KAZN: variants seen among roughly 807,000 people sequenced by gnomAD.
KAZN encodes kazrin, periplakin interacting protein, also known as kazrin.
KAZN carries 40 observed loss-of-function variants against 87.4 expected under a neutral mutation model. That is an observed-to-expected ratio of 0.46 (90% CI 0.36 to 0.60). KAZN has a LOEUF of 0.60. Ranked by LOEUF, KAZN falls within the 20% of genes least tolerant of loss-of-function variation. The pLI, the probability that KAZN is intolerant of heterozygous loss-of-function variation, is 0.00. For missense variants in KAZN, 898 were observed against 1,073.9 expected, an observed-to-expected ratio of 0.84 and a Z score of 2.29; for synonymous variants, 466 against 458.3, an observed-to-expected ratio of 1.02 and a Z score of -0.22.
intron 2 of KAZN, among the ~76,000 whole-genome samples, chr1:14,968,633 G>T (rs922752237): frequency 6.6e-6 from 1 of 152,218 alleles, no homozygotes; most frequent in Non-Finnish European, 1.5e-5. Context: ...CAGCCAGCAC[G>T]GGGCGGGTGG....
intron 2 of KAZN, among the ~76,000 whole-genome samples, chr1:14,301,087 A>T (rs148196968): frequency 6.6e-6 from 1 of 152,300 alleles, no homozygotes; most frequent in East Asian, 1.9e-4. Flanking sequence ...ATTCCACAGA[A>T]ATGTCTTGTA....
intron 1 of KAZN, among the ~76,000 whole-genome samples, chr1:14,746,925 A>G (rs948024336): frequency 1.6e-4 from 24 of 152,178 alleles, no homozygotes; most frequent in Non-Finnish European, 1.6e-4. Context: ...AGTATTGTAC[A>G]ACCATTACCA....
At chr1:14,534,406 A>C (rs148276858) in intron 2 of KAZN, among the ~76,000 whole-genome samples, 5 of 152,300 alleles carry the variant, frequency 3.3e-5, no homozygotes, top group African/African-American at 1.2e-4. Context: ...GCACTTTGGG[A>C]GGCCGAGGCA....
intron 2 of KAZN, among the ~76,000 whole-genome samples, chr1:15,001,523 A>AGCAGC (rs1668472094): frequency 1.3e-5 from 2 of 151,266 alleles, no homozygotes; most frequent in Admixed American, 6.6e-5. Flanking sequence ...TAGTTTCCTC[A>AGCAGC]TCCTTAAAAG....
chr1:14,154,953 T>TCTTC (rs77458563), intron 1 of KAZN, among the ~76,000 whole-genome samples: 18,692 of 134,756 alleles, frequency 0.14, 1,584 homozygotes, highest in South Asian at 0.26. Context: ...TTGTAGTTTT[T>TCTTC]CTTCCTTCCT....
At chr1:14,076,986 T>A (rs1295760984) in intron 1 of KAZN, among the ~76,000 whole-genome samples, 1 of 152,130 alleles carries the variant, frequency 6.6e-6, no homozygotes, top group Non-Finnish European at 1.5e-5. Flanking sequence ...GTGTGATTGA[T>A]TCATACACGT....
intron 2 of KAZN, among the ~76,000 whole-genome samples, chr1:14,334,264 C>A (rs1657061676): frequency 1.4e-5 from 2 of 143,368 alleles, no homozygotes; most frequent in Non-Finnish European, 3.0e-5. Flanking sequence ...ACTTGGGAGG[C>A]TGAGGCAGGA....
chr1:14,364,916 T>A (rs12406761), intron 2 of KAZN, among the ~76,000 whole-genome samples: 6,241 of 152,226 alleles, frequency 0.041, 339 homozygotes, highest in East Asian at 0.19. Flanking sequence ...TTGTTTTGTT[T>A]GTTTGTTTTA....
At chr1:14,557,955 C>T (rs1000625539) in intron 2 of KAZN, among the ~76,000 whole-genome samples, 1 of 152,138 alleles carries the variant, frequency 6.6e-6, no homozygotes, top group Non-Finnish European at 1.5e-5. Context: ...ATTTAGAAGA[C>T]CCCAAACACC....
chr1:14,447,520 T>C (rs12134939), intron 2 of KAZN, among the ~76,000 whole-genome samples: 1 of 152,120 alleles, frequency 6.6e-6, no homozygotes, highest in South Asian at 2.1e-4. Flanking sequence ...ATTACAGGCA[T>C]GAGCCACCGC....
At position 14,937,449 on chromosome 1, in the gene KAZN, A is replaced by G. The variant is rs537717810; in HGVS notation, c.227-23235A>G. Reference sequence around the variant, plus strand: ...AGTTGCCACCTCTTAGGTTCTGTCCACAGTCTCCTGGCCGTAATAATCACG... The same window carrying G: ...AGTTGCCACCTCTTAGGTTCTGTCCGCAGTCTCCTGGCCGTAATAATCACG... On this transcript the variant is annotated intron_variant, in intron 1 of 14. Transcript: ENST00000376030. Among the ~76,000 whole-genome samples the G allele has an allele frequency of 2.0e-3, 310 of 152,228 alleles. 1 individual carries two copies. Among genetic ancestry groups the G allele is most frequent in the African/African-American group, 7.1e-3 (296 of 41,544 alleles).
chr1:14,560,668 C>T (rs1470047359), intron 2 of KAZN, among the ~76,000 whole-genome samples: 1 of 151,972 alleles, frequency 6.6e-6, no homozygotes, highest in Non-Finnish European at 1.5e-5. Context: ...CAGTGCCTGG[C>T]ACAAGGAGAG....
chr1:14,151,736 G>A (rs1645477687), intron 1 of KAZN, among the ~76,000 whole-genome samples: 1 of 152,224 alleles, frequency 6.6e-6, no homozygotes, highest in South Asian at 2.1e-4. Context: ...GTTATTGGAA[G>A]AATGAGGTAA....
At chr1:14,776,001 T>A (rs2100617753) in intron 1 of KAZN, among the ~76,000 whole-genome samples, 1 of 152,302 alleles carries the variant, frequency 6.6e-6, no homozygotes, top group Middle Eastern at 3.4e-3. Flanking sequence ...ACTGTGGGGT[T>A]TATTTTTTAT....
intron 2 of KAZN, among the ~76,000 whole-genome samples, chr1:14,995,969 C>T (rs1454732583): frequency 6.6e-6 from 1 of 152,122 alleles, no homozygotes; most frequent in East Asian, 1.9e-4. Context: ...ATAAGCCGGT[C>T]CGGCCACCTG....
chr1:14,523,785 C>T (rs985397747), intron 2 of KAZN, among the ~76,000 whole-genome samples: 2 of 152,164 alleles, frequency 1.3e-5, no homozygotes, highest in African/African-American at 4.8e-5. Flanking sequence ...CCCATGTGGT[C>T]CTGGGGCTGC....
At chr1:14,924,044 C>T (rs1239144008) in intron 1 of KAZN, 1 of 787,810 alleles carries the variant, frequency 1.3e-6, no homozygotes, top group Middle Eastern at 6.6e-4. Flanking sequence ...CTGGGCGCCG[C>T]GGCGGGGCGG....
chr1:14,775,360 C>A (rs552496646), intron 1 of KAZN, among the ~76,000 whole-genome samples: 2 of 152,234 alleles, frequency 1.3e-5, no homozygotes, highest in Non-Finnish European at 2.9e-5. Context: ...GTTGTTCCAG[C>A]GTCATGCTTC....
At chr1:14,865,650 A>G (rs1651365625) in intron 1 of KAZN, among the ~76,000 whole-genome samples, 1 of 152,164 alleles carries the variant, frequency 6.6e-6, no homozygotes, top group South Asian at 2.1e-4. Context: ...CTCTCCAGCC[A>G]TCCTGCCTGT....
Sources: allele counts gnomAD v4.1 joint callset (sites outside exome capture counted in the v4.1 genomes callset), GRCh38; gene constraint gnomAD v4.1.1; transcripts MANE v1.5; gene names NCBI Gene and HGNC (gene_info 2026-07-23, HGNC 2026-07-21).